STPG4: variants seen among roughly 807,000 people sequenced by gnomAD.
STPG4 encodes protein STPG4.
In STPG4, 41 loss-of-function variants were observed where a neutral mutation model predicts 31.5. The observed-to-expected ratio is 1.30, with a 90% CI of 1.01 to 1.69. STPG4 has a LOEUF of 1.69. STPG4 is among the 40% of genes most tolerant of loss of function. STPG4 has a pLI of 0.00. For synonymous variants in STPG4, 141 were observed against 103.0 expected, an observed-to-expected ratio of 1.37 and a Z score of -2.24; for missense variants, 375 against 293.4, an observed-to-expected ratio of 1.28 and a Z score of -2.03.
intron 5 of STPG4, among the ~76,000 whole-genome samples, chr2:47,120,060 G>T (rs1473997007): frequency 6.6e-6 from 1 of 152,222 alleles, no homozygotes; most frequent in Non-Finnish European, 1.5e-5. Context: ...GCCAGGGGCG[G>T]TGGCTCATGC....
At chr2:47,122,325 A>T (rs1197396270) in intron 5 of STPG4, among the ~76,000 whole-genome samples, 3 of 152,104 alleles carry the variant, frequency 2.0e-5, no homozygotes, top group Non-Finnish European at 2.9e-5. Flanking sequence ...CTGATATACA[A>T]AGCATTTTTA....
At chr2:47,114,331 C>A (rs532453348) in intron 5 of STPG4, among the ~76,000 whole-genome samples, 1 of 151,886 alleles carries the variant, frequency 6.6e-6, no homozygotes, top group African/African-American at 2.4e-5. Context: ...ATGGTGAAAT[C>A]CCATCTCTAC....
intron 5 of STPG4, among the ~76,000 whole-genome samples, chr2:47,090,714 C>T (rs745403412): frequency 2.0e-5 from 3 of 152,210 alleles, no homozygotes; most frequent in Non-Finnish European, 2.9e-5. Flanking sequence ...TGCCTCATGC[C>T]GTACTTCTCC....
intron 5 of STPG4, among the ~76,000 whole-genome samples, chr2:47,112,687 A>G (rs946327103): frequency 1.3e-5 from 2 of 152,240 alleles, no homozygotes; most frequent in African/African-American, 4.8e-5. Flanking sequence ...TTTCACATAT[A>G]TCAACATTGA....
chr2:47,103,600 T>C (rs975145570), intron 5 of STPG4, among the ~76,000 whole-genome samples: 3 of 151,932 alleles, frequency 2.0e-5, no homozygotes, highest in African/African-American at 7.3e-5. Flanking sequence ...CTGGTAGGGC[T>C]TGTTATCAGT....
intron 5 of STPG4, among the ~76,000 whole-genome samples, chr2:47,119,033 A>G (rs1330986517): frequency 3.3e-5 from 5 of 152,254 alleles, no homozygotes; most frequent in Admixed American, 6.5e-5. Context: ...TAAGGATTAC[A>G]GCATTTATCA....
intron 6 of STPG4, among the ~76,000 whole-genome samples, chr2:47,087,852 G>A (rs531690677): frequency 9.2e-5 from 14 of 152,136 alleles, no homozygotes; most frequent in Non-Finnish European, 1.5e-4. Flanking sequence ...GGGTTCAAGC[G>A]ATTCTCCTGC....
intron 5 of STPG4, among the ~76,000 whole-genome samples, chr2:47,119,050 G>A (rs1488563607): frequency 2.0e-5 from 3 of 152,192 alleles, no homozygotes; most frequent in African/African-American, 7.2e-5. Flanking sequence ...ATCACACGAA[G>A]GTTTGAGACA....
At chr2:47,130,056 T>G in intron 4 of STPG4, 61 bp from the exon 5 acceptor site, 1 of 1,483,750 alleles carries the variant, frequency 6.7e-7, no homozygotes, top group African/African-American at 1.4e-5. Flanking sequence ...AGATCTTTGT[T>G]AACTTATTCC....
intron 3 of STPG4, among the ~76,000 whole-genome samples, chr2:47,133,830 G>A (rs1427650421): frequency 6.6e-6 from 1 of 151,878 alleles, no homozygotes; most frequent in African/African-American, 2.4e-5. Flanking sequence ...ACCCGCTTTG[G>A]CCTCCCAAAG....
intron 5 of STPG4, among the ~76,000 whole-genome samples, chr2:47,120,303 C>T (rs1031269264): frequency 6.6e-6 from 1 of 152,174 alleles, no homozygotes; most frequent in Non-Finnish European, 1.5e-5. Context: ...TGCACTCCAA[C>T]GTGGGCGACA....
At chr2:47,112,159 T>C (rs1351959015) in intron 5 of STPG4, among the ~76,000 whole-genome samples, 1 of 151,836 alleles carries the variant, frequency 6.6e-6, no homozygotes, top group African/African-American at 2.4e-5. Flanking sequence ...TGAGATTTTG[T>C]TGTTGTTGTT....
At chr2:47,095,210 G>A (rs1330125697) in intron 5 of STPG4, among the ~76,000 whole-genome samples, 1 of 152,166 alleles carries the variant, frequency 6.6e-6, no homozygotes, top group Non-Finnish European at 1.5e-5. Flanking sequence ...ACCTCAGTAT[G>A]GGACCTGATT....
chr2:47,142,906 C>T (rs1275171520), intron 3 of STPG4, among the ~76,000 whole-genome samples: 2 of 137,530 alleles, frequency 1.5e-5, no homozygotes, highest in Non-Finnish European at 3.0e-5. Context: ...TGCAGTGGCG[C>T]GATCTTGGCT....
chr2:47,131,563 G>A lies in STPG4; in HGVS notation c.400-1303C>T, dbSNP rs1442952820. ...TACGGTCCCTGACCAGCAGGAGTGA[G>A]AGGCACCTACAGAAACAATCCTAAC... On this transcript the variant is annotated intron_variant, in intron 3 of 6. Transcript: ENST00000445927. Among the ~76,000 whole-genome samples the A allele has an allele frequency of 2.6e-5, 4 of 152,198 alleles. No homozygotes were observed. The East Asian group carries it at 7.7e-4, about 29-fold the overall frequency.
At chr2:47,124,043 C>T (rs1055803198) in intron 5 of STPG4, among the ~76,000 whole-genome samples, 6 of 152,004 alleles carry the variant, frequency 3.9e-5, no homozygotes, top group African/African-American at 9.7e-5. Context: ...TGTGCAGTGG[C>T]GCGATCTCAG....
chr2:47,097,881 G>T (rs544039714), intron 5 of STPG4, among the ~76,000 whole-genome samples: 4 of 151,474 alleles, frequency 2.6e-5, no homozygotes, highest in African/African-American at 9.7e-5. Flanking sequence ...ACTTTTGGAG[G>T]CCCACGTGGG....
At chr2:47,108,944 A>G (rs912345866) in intron 5 of STPG4, 2 of 152,286 alleles carry the variant, frequency 1.3e-5, no homozygotes, top group Non-Finnish European at 2.9e-5. Flanking sequence ...TAGCACGTGC[A>G]AAGTAGGAGA....
At chr2:47,102,015 C>G (rs1388707182) in intron 5 of STPG4, among the ~76,000 whole-genome samples, 1 of 151,868 alleles carries the variant, frequency 6.6e-6, no homozygotes, top group Non-Finnish European at 1.5e-5. Context: ...GGCAAGGGTG[C>G]AGGTTTTCGA....
Sources: allele counts gnomAD v4.1 joint callset (sites outside exome capture counted in the v4.1 genomes callset), GRCh38; gene constraint gnomAD v4.1.1; transcripts MANE v1.5; gene names NCBI Gene and HGNC (gene_info 2026-07-23, HGNC 2026-07-21).